Variants in SORCS1 observed in about 807,000 individuals in gnomAD.
SORCS1 encodes sortilin related VPS10 domain containing receptor 1.
Under a neutral mutation model 146.1 loss-of-function variants are expected in SORCS1, and 60 were observed. The observed-to-expected ratio is 0.41, with a 90% CI of 0.33 to 0.51. The LOEUF is 0.51. SORCS1 is among the 20% of genes least tolerant of loss of function. The probability of loss-of-function intolerance (pLI) is 0.21; values close to 1 mark genes in which losing one functional copy is unlikely to be tolerated. For synonymous variants in SORCS1, 637 were observed against 584.0 expected, an observed-to-expected ratio of 1.09 and a Z score of -1.31; for missense variants, 1,352 against 1,487.6, an observed-to-expected ratio of 0.91 and a Z score of 1.50.
At chr10:106,829,343 G>A (rs1475630364) in intron 3 of SORCS1, among the ~76,000 whole-genome samples, 1 of 152,150 alleles carries the variant, frequency 6.6e-6, no homozygotes, top group Non-Finnish European at 1.5e-5. Context: ...CTTTGTAGCT[G>A]CCTTTTGGAA....
intron 8 of SORCS1, among the ~76,000 whole-genome samples, chr10:106,700,341 G>A (rs1854042947): frequency 6.6e-6 from 1 of 152,120 alleles, no homozygotes; most frequent in Non-Finnish European, 1.5e-5. Context: ...CTTCTTTATG[G>A]GATGTCTGTT....
intron 4 of SORCS1, among the ~76,000 whole-genome samples, chr10:106,765,607 C>T (rs1859509712): frequency 6.6e-6 from 1 of 151,956 alleles, no homozygotes; most frequent in Non-Finnish European, 1.5e-5. Flanking sequence ...CACAGCAGGG[C>T]AAAATAGCCT....
intron 16 of SORCS1, among the ~76,000 whole-genome samples, chr10:106,669,071 C>A (rs1234253893): frequency 1.3e-5 from 2 of 152,158 alleles, no homozygotes; most frequent in African/African-American, 4.8e-5. Context: ...TCATTTCCCA[C>A]TTCTCAGAAT....
intron 1 of SORCS1, among the ~76,000 whole-genome samples, chr10:107,030,992 G>A (rs544841480): frequency 6.6e-6 from 1 of 152,260 alleles, no homozygotes; most frequent in African/African-American, 2.4e-5. Context: ...CGTTCTTAGA[G>A]AAACCATCAG....
intron 2 of SORCS1, among the ~76,000 whole-genome samples, chr10:106,903,464 A>G (rs1480083011): frequency 1.3e-5 from 2 of 152,242 alleles, no homozygotes; most frequent in East Asian, 3.8e-4. Context: ...ATATAAATCT[A>G]CAGTCCAAGA....
intron 2 of SORCS1, among the ~76,000 whole-genome samples, chr10:106,954,774 C>T (rs932116178): frequency 2.0e-5 from 3 of 152,108 alleles, no homozygotes; most frequent in African/African-American, 7.2e-5. Flanking sequence ...GCCTGCACCT[C>T]CCCCATTTTG....
At chr10:106,796,333 T>G (rs1163983353) in intron 3 of SORCS1, among the ~76,000 whole-genome samples, 1 of 152,208 alleles carries the variant, frequency 6.6e-6, no homozygotes, top group Non-Finnish European at 1.5e-5. Flanking sequence ...CTTTAAATTA[T>G]AGAAACTTCA....
intron 6 of SORCS1, among the ~76,000 whole-genome samples, chr10:106,717,790 A>G (rs1855482411): frequency 6.6e-6 from 1 of 152,198 alleles, no homozygotes; most frequent in South Asian, 2.1e-4. Context: ...GTCCAATTAC[A>G]ATGCAGCATG....
At chr10:106,648,431 G>A (rs533146784) in intron 18 of SORCS1, among the ~76,000 whole-genome samples, 10 of 151,864 alleles carry the variant, frequency 6.6e-5, no homozygotes, top group Admixed American at 3.3e-4. Context: ...CACTTAATTC[G>A]CTCCACATAC....
intron 3 of SORCS1, among the ~76,000 whole-genome samples, chr10:106,796,910 C>T (rs1345889766): frequency 6.6e-6 from 1 of 152,144 alleles, no homozygotes; most frequent in Non-Finnish European, 1.5e-5. Context: ...AAGATTGAGA[C>T]CATCCTGCCA....
At chr10:106,640,152 C>G (rs909676111) in intron 18 of SORCS1, among the ~76,000 whole-genome samples, 2 of 152,194 alleles carry the variant, frequency 1.3e-5, no homozygotes, top group African/African-American at 4.8e-5. Flanking sequence ...TGAATTCAGA[C>G]AAGTGAGTAT....
intron 5 of SORCS1, among the ~76,000 whole-genome samples, chr10:106,752,377 C>T (rs191500167): frequency 7.9e-5 from 12 of 152,200 alleles, no homozygotes; most frequent in African/African-American, 2.7e-4. Flanking sequence ...AATCCTCACA[C>T]AGCATCTTTG....
At chr10:106,898,618 C>A (rs952619215) in intron 2 of SORCS1, among the ~76,000 whole-genome samples, 1 of 152,106 alleles carries the variant, frequency 6.6e-6, no homozygotes, top group African/African-American at 2.4e-5. Flanking sequence ...ATCTAGGATA[C>A]GCTGCTGAGA....
Position 106,907,086 on chromosome 10 carries a change from C to T in SORCS1, c.626+49427G>A, listed in dbSNP as rs376234988. 2.0e-3 allele frequency among the ~76,000 whole-genome samples: 302 copies of T among 152,260 alleles called. 8 individuals carry two copies. The South Asian group carries it at 0.061, about 31-fold the overall frequency. ...GGAAACAGGCACCCAAATAACTTGCCAGTAGATGCATATTTAGTGCAACTG... is the reference window on the plus strand; with the variant it reads ...GGAAACAGGCACCCAAATAACTTGCTAGTAGATGCATATTTAGTGCAACTG... On this transcript the variant is annotated intron_variant, in intron 2 of 25. Transcript: ENST00000263054.
chr10:107,033,848 T>C (rs7077806), intron 1 of SORCS1, among the ~76,000 whole-genome samples: 54,502 of 152,084 alleles, frequency 0.36, 9,806 homozygotes, highest in Admixed American at 0.41. Flanking sequence ...AGTGGGTTTC[T>C]GCTTCCAGGA....
intron 5 of SORCS1, among the ~76,000 whole-genome samples, chr10:106,741,246 T>A (rs1305223203): frequency 2.0e-5 from 3 of 151,726 alleles, no homozygotes; most frequent in Non-Finnish European, 4.4e-5. Flanking sequence ...AAATTACCCC[T>A]TAGTGTCTGA....
chr10:107,048,979 C>A (rs767370697), intron 1 of SORCS1, among the ~76,000 whole-genome samples: 1 of 151,812 alleles, frequency 6.6e-6, no homozygotes, highest in South Asian at 2.1e-4. Flanking sequence ...ACAATTATTG[C>A]GGCACTACTC....
intron 13 of SORCS1, among the ~76,000 whole-genome samples, chr10:106,675,634 T>A (rs12244071): frequency 0.039 from 5,870 of 152,256 alleles, 362 homozygotes; most frequent in African/African-American, 0.13. Context: ...ACTGAATGAA[T>A]GAGTACAAGA....
chr10:106,762,630 C>G (rs1024480575), intron 4 of SORCS1, among the ~76,000 whole-genome samples: 1 of 151,862 alleles, frequency 6.6e-6, no homozygotes, highest in African/African-American at 2.4e-5. Flanking sequence ...ATCTCCTGAC[C>G]TCATGATCCG....
Sources: gnomAD v4.1 joint callset for allele counts (sites outside exome capture counted in the v4.1 genomes callset) on GRCh38, gnomAD v4.1.1 for gene constraint, MANE v1.5 for transcripts, NCBI Gene and HGNC (gene_info 2026-07-23, HGNC 2026-07-21) for gene names.